Variants in ERC2 observed in about 807,000 individuals in gnomAD.
The protein encoded by ERC2 is ELKS/RAB6-interacting/CAST family member 2, also known as ERC protein 2.
A neutral mutation model predicts 114.8 loss-of-function variants in ERC2; 42 were observed. The ratio of observed to expected loss-of-function variants is 0.37; its 90% confidence interval spans 0.29 to 0.47. The LOEUF (loss-of-function observed/expected upper bound fraction) is 0.47. Among genes scored for constraint, ERC2 ranks in the 20% least tolerant of loss-of-function variants. The probability of loss-of-function intolerance (pLI) is 0.99; values close to 1 mark genes in which losing one functional copy is unlikely to be tolerated. For synonymous variants in ERC2, 454 were observed against 425.5 expected (o/e 1.07, Z -0.82); for missense variants, 939 against 1,150.7 (o/e 0.82, Z 2.66).
intron 14 of ERC2, among the ~76,000 whole-genome samples, chr3:55,848,207 C>G (rs906609603): frequency 6.6e-6 from 1 of 152,164 alleles, no homozygotes; most frequent in South Asian, 2.1e-4. Context: ...TCATCTGAAG[C>G]CGTCTTGTCC....
chr3:56,266,030 A>AAAAAT (rs200509039), intron 3 of ERC2, among the ~76,000 whole-genome samples: 4,356 of 122,754 alleles, frequency 0.035, 134 homozygotes, highest in East Asian at 0.097. Flanking sequence ...ATCCGACCAA[A>AAAAAT]AAAATAAAAT....
chr3:55,591,190 T>A (rs2057860883), intron 17 of ERC2, among the ~76,000 whole-genome samples: 1 of 152,088 alleles, frequency 6.6e-6, no homozygotes, highest in Admixed American at 6.6e-5. Context: ...TTAGCTTTTT[T>A]TTTTTTTTTA....
intron 17 of ERC2, among the ~76,000 whole-genome samples, chr3:55,592,030 G>A (rs1344819188): frequency 6.6e-6 from 1 of 152,216 alleles, no homozygotes; most frequent in African/African-American, 2.4e-5. Context: ...AGGAATGGCT[G>A]GTGAGGATTC....
intron 14 of ERC2, among the ~76,000 whole-genome samples, chr3:55,882,757 G>A (rs2063172338): frequency 6.6e-6 from 1 of 152,126 alleles, no homozygotes; most frequent in South Asian, 2.1e-4. Flanking sequence ...ATCTAAAGGA[G>A]GCCCTAGAAC....
intron 14 of ERC2, among the ~76,000 whole-genome samples, chr3:55,822,480 C>G (rs921957107): frequency 6.6e-6 from 1 of 152,042 alleles, no homozygotes; most frequent in Admixed American, 6.6e-5. Context: ...ACTCAGTGAG[C>G]ATGCTTAATT....
At chr3:56,257,316 G>C (rs1464997011) in intron 3 of ERC2, among the ~76,000 whole-genome samples, 7 of 152,158 alleles carry the variant, frequency 4.6e-5, no homozygotes, top group Non-Finnish European at 8.8e-5. Flanking sequence ...CCCTAGTAAA[G>C]TGGCAAAATA....
In ERC2 at chr3:55,992,123, A is replaced by G. The variant is rs1381812432; in HGVS notation, c.2189T>C (p.Leu730Pro). The G allele has an allele frequency of 6.2e-7, 1 of 1,613,978 alleles. No individual in the cohort carries two copies. Among genetic ancestry groups the G allele is most frequent in the Non-Finnish European group, 8.5e-7 (1 of 1,179,896 alleles). The change falls in exon 11 of 18, where the codon CTG (leucine) becomes CCG (proline). Residue 730 changes from leucine (L) to proline (P), a missense_variant. This residue lies in a region of ERC2 where 328 missense variants were observed against 353.9 expected (regional missense o/e 0.93). Transcript: ENST00000288221. ...ATTCTCCACCTCCTTGAGGATCTCC[A>G]GCAACCGGTCCACTTCCGCTTGGGC... is the stretch of plus-strand genomic sequence containing the variant. ...GKAQAEVDRL[L>P]EILKEVENEK...
chr3:55,539,074 G>T (rs902453166), intron 17 of ERC2, among the ~76,000 whole-genome samples: 1 of 152,132 alleles, frequency 6.6e-6, no homozygotes, highest in African/African-American at 2.4e-5. Flanking sequence ...CATAAGCTGA[G>T]AAAATACAAA....
At chr3:56,239,283 G>A (rs933008966) in intron 3 of ERC2, among the ~76,000 whole-genome samples, 24 of 151,860 alleles carry the variant, frequency 1.6e-4, no homozygotes, top group African/African-American at 5.1e-4. Context: ...TTCGGAGGCC[G>A]AGGCGGGCAG....
At chr3:55,673,400 T>G (rs955530406) in intron 17 of ERC2, among the ~76,000 whole-genome samples, 1 of 152,012 alleles carries the variant, frequency 6.6e-6, no homozygotes, top group Admixed American at 6.6e-5. Flanking sequence ...CTGGCCAACA[T>G]GGTGAAACCC....
intron 3 of ERC2, among the ~76,000 whole-genome samples, chr3:56,207,459 G>A (rs1325438632): frequency 2.6e-5 from 4 of 151,908 alleles, no homozygotes. Flanking sequence ...GGTATCATAT[G>A]ATATATAAAG....
intron 17 of ERC2, among the ~76,000 whole-genome samples, chr3:55,618,962 T>C (rs964346214): frequency 3.9e-5 from 6 of 152,190 alleles, no homozygotes; most frequent in African/African-American, 1.4e-4. Context: ...TCAGCACATA[T>C]AACTGTTGTT....
At chr3:56,229,268 A>G (rs1173914579) in intron 3 of ERC2, among the ~76,000 whole-genome samples, 1 of 152,086 alleles carries the variant, frequency 6.6e-6, no homozygotes, top group Admixed American at 6.5e-5. Flanking sequence ...TGGCATATAA[A>G]CTCCATGAGG....
intron 6 of ERC2, among the ~76,000 whole-genome samples, chr3:56,101,932 C>T (rs1466220947): frequency 6.6e-6 from 1 of 152,182 alleles, no homozygotes; most frequent in Non-Finnish European, 1.5e-5. Context: ...TCATCCTCTG[C>T]AACCGGTGTT....
chr3:56,443,200 AC>A (rs2062398186), intron 1 of ERC2, among the ~76,000 whole-genome samples: 1 of 152,250 alleles, frequency 6.6e-6, no homozygotes, highest in South Asian at 2.1e-4. Flanking sequence ...CTGTGGAAAC[AC>A]GTTGTTGCTT....
chr3:55,519,872 G>A (rs961940011), intron 17 of ERC2, among the ~76,000 whole-genome samples: 4 of 151,878 alleles, frequency 2.6e-5, no homozygotes, highest in Admixed American at 2.0e-4. Context: ...TGGGAAACAC[G>A]ACAAAACCTC....
At chr3:55,836,671 T>C (rs1333460100) in intron 14 of ERC2, among the ~76,000 whole-genome samples, 1 of 152,072 alleles carries the variant, frequency 6.6e-6, no homozygotes, top group Non-Finnish European at 1.5e-5. Flanking sequence ...ACCTAGGCAT[T>C]ACCATTCAGG....
chr3:55,616,823 C>G (rs1294243034), intron 17 of ERC2, among the ~76,000 whole-genome samples: 1 of 151,940 alleles, frequency 6.6e-6, no homozygotes, highest in Non-Finnish European at 1.5e-5. Flanking sequence ...GTGCCTGACC[C>G]CCGAGCCCAG....
At chr3:56,225,050 T>C (rs1214092449) in intron 3 of ERC2, among the ~76,000 whole-genome samples, 2 of 152,130 alleles carry the variant, frequency 1.3e-5, no homozygotes, top group Non-Finnish European at 2.9e-5. Flanking sequence ...GGGCAAGTCC[T>C]TTCTCATCAA....
Sources: allele counts gnomAD v4.1 joint callset (sites outside exome capture counted in the v4.1 genomes callset), GRCh38; gene constraint gnomAD v4.1.1; regional missense constraint gnomAD v4.1.1; transcripts MANE v1.5; gene names NCBI Gene and HGNC (gene_info 2026-07-23, HGNC 2026-07-21).